Variants in ASNS observed in about 807,000 individuals in gnomAD.
ASNS encodes the protein asparagine synthetase (glutamine-hydrolyzing).
In ASNS, 37 loss-of-function variants were observed where a neutral mutation model predicts 62.6. The observed-to-expected ratio is 0.59, with a 90% CI of 0.45 to 0.78. The LOEUF (loss-of-function observed/expected upper bound fraction) is 0.78. Ranked by LOEUF, ASNS falls within the 30% of genes least tolerant of loss-of-function variation. ASNS has a pLI of 0.00. For synonymous variants in ASNS, 207 were observed against 237.9 expected, an observed-to-expected ratio of 0.87 and a Z score of 1.19; for missense variants, 520 against 682.4, an observed-to-expected ratio of 0.76 and a Z score of 2.65.
rs778313292 is a variant in ASNS at position 97,858,414 on chromosome 7, A to G, written c.776-9T>C. 1.2e-5 allele frequency: 19 copies of G among 1,614,060 alleles called. No individual in the cohort carries two copies. In the South Asian group the frequency reaches 1.9e-4, roughly 16 times the overall value. ...GCTGGAGTCCAAGCCCCCTACATGC[A>G]AAAGAGGAAGTGGAAGTGTCCTAGT... On this transcript the variant is annotated splice_polypyrimidine_tract_variant and intron_variant, in intron 6 of 12. Transcript: ENST00000394308.
chr7:97,853,220 C>A lies in ASNS; in HGVS notation c.1321-5G>T, dbSNP rs776839239. 2 of 1,605,338 alleles carry A rather than the reference C, an allele frequency of 1.2e-6. No individual in the cohort carries two copies. Among genetic ancestry groups the A allele is most frequent in the Non-Finnish European group, 8.5e-7 (1 of 1,175,694 alleles). ...GAGATGTTTTTCTATCCCATTCTGACGTGACAAAAAAAGGAGCATCAGGTA... is the reference window on the plus strand; with the variant it reads ...GAGATGTTTTTCTATCCCATTCTGAAGTGACAAAAAAAGGAGCATCAGGTA... On this transcript the variant is annotated splice_region_variant and splice_polypyrimidine_tract_variant and intron_variant, in intron 11 of 12. Coordinates refer to ENST00000394308, the MANE Select transcript of ASNS (RefSeq NM_001673.5).
the ASNS span, among the ~76,000 whole-genome samples, chr7:97,914,922 A>T: frequency 6.6e-6 from 1 of 152,234 alleles, no homozygotes; most frequent in Non-Finnish European, 1.5e-5. Context: ...TCGAACACAG[A>T]AAAGAAACTG....
chr7:97,900,375 A>AAC, the ASNS span, among the ~76,000 whole-genome samples: 1 of 150,594 alleles, frequency 6.6e-6, no homozygotes, highest in African/African-American at 2.4e-5. Flanking sequence ...AAAAAAAAAA[A>AAC]AAAAAAAAAC....
the ASNS span, among the ~76,000 whole-genome samples, chr7:97,903,114 C>A: frequency 6.6e-6 from 1 of 152,142 alleles, no homozygotes; most frequent in Non-Finnish European, 1.5e-5. Context: ...ACAGCTGACA[C>A]CCTGACATAC....
chr7:97,910,935 G>T, the ASNS span, among the ~76,000 whole-genome samples: 2 of 152,136 alleles, frequency 1.3e-5, no homozygotes, highest in Non-Finnish European at 2.9e-5. Context: ...GGACCACAGA[G>T]CTTAGACATC....
At chr7:97,916,106 G>T in the ASNS span, among the ~76,000 whole-genome samples, 1 of 152,160 alleles carries the variant, frequency 6.6e-6, no homozygotes, top group South Asian at 2.1e-4. Context: ...ATTCCAGCCA[G>T]GCATGGTGGC....
upstream of ASNS, among the ~76,000 whole-genome samples, chr7:97,875,964 T>A (rs1290583713): frequency 6.6e-6 from 1 of 151,882 alleles, no homozygotes; most frequent in Admixed American, 6.6e-5. Flanking sequence ...TCAAGTGATT[T>A]TCATGCATCA....
intron 12 of ASNS, 143 bp from the exon 13 acceptor site, chr7:97,852,611 G>A: frequency 1.2e-6 from 1 of 807,192 alleles, no homozygotes; most frequent in South Asian, 1.7e-5. Context: ...CTTAGAAAAT[G>A]CTAAAGTATT....
the ASNS span, among the ~76,000 whole-genome samples, chr7:97,900,171 C>CCAACATGG: frequency 6.6e-6 from 1 of 150,732 alleles, no homozygotes; most frequent in Non-Finnish European, 1.5e-5. Flanking sequence ...ACCAGCCTGG[C>CCAACATGG]CAACATGGTG....
chr7:97,916,556 C>T, the ASNS span, among the ~76,000 whole-genome samples: 1 of 152,172 alleles, frequency 6.6e-6, no homozygotes, highest in Non-Finnish European at 1.5e-5. Context: ...GGATCAGGCA[C>T]ACAGGCGGAT....
chr7:97,921,453 T>C, the ASNS span, among the ~76,000 whole-genome samples: 1 of 152,190 alleles, frequency 6.6e-6, no homozygotes, highest in Non-Finnish European at 1.5e-5. Flanking sequence ...ACTTTATTTG[T>C]GTGAACAGGC....
chr7:97,871,129 A>C (rs1792239150), intron 1 of ASNS, among the ~76,000 whole-genome samples: 1 of 152,258 alleles, frequency 6.6e-6, no homozygotes, highest in African/African-American at 2.4e-5. Context: ...AATTTTAAAT[A>C]AACTTAACTC....
the ASNS span, among the ~76,000 whole-genome samples, chr7:97,920,586 C>T: frequency 2.0e-5 from 3 of 152,178 alleles, no homozygotes; most frequent in Non-Finnish European, 4.4e-5. Context: ...CCAGCTGGGG[C>T]CAAATAGAAG....
At chr7:97,905,615 T>G in the ASNS span, among the ~76,000 whole-genome samples, 1 of 152,186 alleles carries the variant, frequency 6.6e-6, no homozygotes, top group Non-Finnish European at 1.5e-5. Context: ...CTCAACTCAC[T>G]TCCATCTCAC....
At chr7:97,873,308 T>C (rs1283949089), upstream of ASNS, among the ~76,000 whole-genome samples, 1 of 152,118 alleles carries the variant, frequency 6.6e-6, no homozygotes, top group Non-Finnish European at 1.5e-5. Context: ...CCGAAATAAA[T>C]TGAGAAATAG....
the ASNS span, among the ~76,000 whole-genome samples, chr7:97,907,796 C>T: frequency 6.7e-6 from 1 of 149,696 alleles, no homozygotes; most frequent in Non-Finnish European, 1.5e-5. Flanking sequence ...AATGAAATGT[C>T]TGTGGATGGG....
the ASNS span, among the ~76,000 whole-genome samples, chr7:97,903,596 A>G: frequency 6.6e-6 from 1 of 152,214 alleles, no homozygotes; most frequent in Non-Finnish European, 1.5e-5. Context: ...TGCCAAGCCC[A>G]GCTCTGAAAG....
chr7:97,923,142 C>A, the ASNS span, among the ~76,000 whole-genome samples: 1 of 151,988 alleles, frequency 6.6e-6, no homozygotes, highest in Non-Finnish European at 1.5e-5. Context: ...TAGATTATTT[C>A]TATAAGTGGT....
the ASNS span, among the ~76,000 whole-genome samples, chr7:97,880,931 G>T: frequency 2.5e-5 from 2 of 80,250 alleles, no homozygotes; most frequent in South Asian, 5.1e-4. Flanking sequence ...GTGTGTGTGT[G>T]TGTTTTTGTT....
Sources: gnomAD v4.1 joint callset for allele counts (sites outside exome capture counted in the v4.1 genomes callset) on GRCh38, gnomAD v4.1.1 for gene constraint, MANE v1.5 for transcripts, NCBI Gene and HGNC (gene_info 2026-07-23, HGNC 2026-07-21) for gene names.